SPATA6L: variants seen among roughly 807,000 people sequenced by gnomAD.
The protein encoded by SPATA6L is spermatogenesis associated 6-like protein.
SPATA6L carries 68 observed loss-of-function variants against 49.2 expected under a neutral mutation model. That is an observed-to-expected ratio of 1.38 (90% confidence interval 1.14 to 1.69). SPATA6L has a LOEUF of 1.69. SPATA6L is among the 40% of genes most tolerant of loss of function. The pLI is 0.00. For missense variants in SPATA6L, 668 were observed against 464.3 expected (o/e 1.44, Z -4.03); for synonymous variants, 198 against 165.7 (o/e 1.19, Z -1.50).
chr9:4,653,144 G>A (rs886309596), intron 3 of SPATA6L, among the ~76,000 whole-genome samples: 1 of 152,212 alleles, frequency 6.6e-6, no homozygotes, highest in African/African-American at 2.4e-5. Flanking sequence ...AGGATTGTGT[G>A]TTGGCATAAC....
intron 7 of SPATA6L, among the ~76,000 whole-genome samples, chr9:4,621,591 C>T (rs1469122961): frequency 2.0e-5 from 3 of 151,986 alleles, no homozygotes; most frequent in South Asian, 4.1e-4. Flanking sequence ...CGGGTTCAAG[C>T]GATTCTCCTG....
intron 9 of SPATA6L, among the ~76,000 whole-genome samples, chr9:4,616,110 A>G (rs1348575046): frequency 6.6e-6 from 1 of 152,028 alleles, no homozygotes; most frequent in Non-Finnish European, 1.5e-5. Context: ...CATCTTTACA[A>G]AAATAAAAAT....
intron 5 of SPATA6L, chr9:4,627,685 A>G: frequency 1.6e-6 from 2 of 1,249,964 alleles, no homozygotes; most frequent in Non-Finnish European, 2.1e-6. Context: ...GGAGGCAGAC[A>G]CTAGGACTGA....
chr9:4,651,881 A>G (rs778672620), intron 3 of SPATA6L, among the ~76,000 whole-genome samples: 2 of 152,190 alleles, frequency 1.3e-5, no homozygotes, highest in African/African-American at 4.8e-5. Flanking sequence ...TTTCCCTACT[A>G]TCAGGAAATA....
At chr9:4,593,213 T>C (rs1439630282) in intron 13 of SPATA6L, among the ~76,000 whole-genome samples, 1 of 152,192 alleles carries the variant, frequency 6.6e-6, no homozygotes, top group Non-Finnish European at 1.5e-5. Context: ...CATGACAGTA[T>C]CCAATCGTCA....
chr9:4,597,497 G>T (rs1322345587), downstream of SPATA6L, among the ~76,000 whole-genome samples: 4 of 152,152 alleles, frequency 2.6e-5, no homozygotes, highest in Non-Finnish European at 5.9e-5. Flanking sequence ...CAGCCATCAA[G>T]AAAAGGACCC....
At chr9:4,647,427 A>G (rs1190496563) in intron 3 of SPATA6L, among the ~76,000 whole-genome samples, 2 of 152,064 alleles carry the variant, frequency 1.3e-5, no homozygotes, top group Non-Finnish European at 2.9e-5. Context: ...CCCCGTGTCT[A>G]CTAAAAATAC....
At chr9:4,601,015 T>C (rs1823104202) in intron 11 of SPATA6L, among the ~76,000 whole-genome samples, 1 of 152,230 alleles carries the variant, frequency 6.6e-6, no homozygotes, top group African/African-American at 2.4e-5. Context: ...GACAATTTAC[T>C]TGACGTCTTT....
At chr9:4,623,448 G>C (rs1829779911) in intron 6 of SPATA6L, among the ~76,000 whole-genome samples, 1 of 151,676 alleles carries the variant, frequency 6.6e-6, no homozygotes, top group African/African-American at 2.4e-5. Context: ...ATATAGAGTT[G>C]CTGATTTGTT....
intron 7 of SPATA6L, among the ~76,000 whole-genome samples, chr9:4,620,557 C>T (rs922626972): frequency 7.2e-5 from 11 of 152,184 alleles, no homozygotes; most frequent in African/African-American, 2.2e-4. Flanking sequence ...TGTGTTCTAC[C>T]TTAGGCCTGG....
At chr9:4,620,817 C>T (rs1338544422) in intron 7 of SPATA6L, among the ~76,000 whole-genome samples, 1 of 152,196 alleles carries the variant, frequency 6.6e-6, no homozygotes, top group Non-Finnish European at 1.5e-5. Flanking sequence ...TTAAACCCAA[C>T]TTGTCCTCCC....
chr9:4,619,524 A>G (rs1204951114), intron 7 of SPATA6L, among the ~76,000 whole-genome samples: 2 of 152,260 alleles, frequency 1.3e-5, no homozygotes, highest in East Asian at 1.9e-4. Flanking sequence ...AGTAAGTTCA[A>G]TAACCCTTAA....
chr9:4,624,042 C>G (rs567966469), intron 6 of SPATA6L, among the ~76,000 whole-genome samples: 3 of 152,146 alleles, frequency 2.0e-5, no homozygotes, highest in Non-Finnish European at 4.4e-5. Flanking sequence ...TCAACAGCAC[C>G]TTCACTTCGA....
chr9:4,618,287 C>G (rs1828480075), intron 8 of SPATA6L, among the ~76,000 whole-genome samples, 177 bp from the exon 9 acceptor site: 1 of 151,868 alleles, frequency 6.6e-6, no homozygotes, highest in Non-Finnish European at 1.5e-5. Context: ...ACAAAATGCT[C>G]AGGAGTTCAG....
chr9:4,639,975 T>C (rs1833681699), intron 3 of SPATA6L, among the ~76,000 whole-genome samples: 1 of 152,200 alleles, frequency 6.6e-6, no homozygotes, highest in African/African-American at 2.4e-5. Flanking sequence ...AACCAAATAA[T>C]CTGAGGCAAA....
Position 4,666,480 on chromosome 9 carries a change from T to C in SPATA6L, c.-230A>G, listed in dbSNP as rs1840882761. On this transcript the variant is annotated 5_prime_UTR_variant, in exon 1 of 12. Coordinates refer to ENST00000682582, the MANE Select transcript of SPATA6L (RefSeq NM_001353486.2). ...CTTCCAGAAGGCGGAAGCGTGGCGT[T>C]GCCAGGGACACTCAAACGCGCAGTC... 1 of 565,800 alleles carries C rather than the reference T, an allele frequency of 1.8e-6. No individual in the cohort carries two copies. The highest frequency in any genetic ancestry group is 3.2e-6 in the Non-Finnish European group (1 of 315,466). 35.0% of individuals were successfully genotyped at this position (565,800 alleles called of 1,614,324 possible). A position where few individuals can be genotyped will look rare whatever the true frequency, so the allele number is the denominator to read the frequency against.
At chr9:4,625,710 A>G (rs1308415280) in intron 5 of SPATA6L, 144 bp from the exon 6 acceptor site, 2 of 540,896 alleles carry the variant, frequency 3.7e-6, no homozygotes, top group Non-Finnish European at 5.9e-6. Flanking sequence ...TAAACTTAAG[A>G]AGGACATTTC....
chr9:4,609,412 A>C (rs567240189), intron 9 of SPATA6L, among the ~76,000 whole-genome samples: 89 of 152,292 alleles, frequency 5.8e-4, no homozygotes, highest in African/African-American at 2.1e-3. Flanking sequence ...TACTGGCAAA[A>C]CGAATCCAGC....
chr9:4,597,032 C>A (rs1330694095), downstream of SPATA6L, among the ~76,000 whole-genome samples: 1 of 152,104 alleles, frequency 6.6e-6, no homozygotes, highest in East Asian at 1.9e-4. Context: ...GTATTATCTA[C>A]CAACAATAAC....
Sources: gnomAD v4.1 joint callset for allele counts (sites outside exome capture counted in the v4.1 genomes callset) on GRCh38, gnomAD v4.1.1 for gene constraint, MANE v1.5 for transcripts, NCBI Gene and HGNC (gene_info 2026-07-23, HGNC 2026-07-21) for gene names.